Variants in BST1 observed in about 807,000 individuals in gnomAD.
BST1 encodes the protein bone marrow stromal cell antigen 1.
BST1 carries 49 observed loss-of-function variants against 40.6 expected under a neutral mutation model. That is an observed-to-expected ratio of 1.21 (90% CI 0.96 to 1.53). The LOEUF (loss-of-function observed/expected upper bound fraction) is 1.53, where lower values mean the gene tolerates loss of function less well. BST1 is among the 40% of genes most tolerant of loss of function. The pLI, the probability that BST1 is intolerant of heterozygous loss-of-function variation, is 0.00. For synonymous variants in BST1, 157 were observed against 159.3 expected (o/e 0.99, Z 0.11); for missense variants, 423 against 395.9 (o/e 1.07, Z -0.58).
At chr4:15,743,309 CAGAACAAAAA>C (rs1230798970), downstream of BST1, 11 of 333,640 alleles carry the variant, frequency 3.3e-5, no homozygotes, top group Admixed American at 3.7e-4. Flanking sequence ...AACAGCTAAA[CAGAACAAAAA>C]AGCATGCACA....
At chr4:15,703,397 G>A in intron 1 of BST1, 65 bp downstream of exon 1, 1 of 1,463,644 alleles carries the variant, frequency 6.8e-7, no homozygotes, top group South Asian at 1.3e-5. Flanking sequence ...GCCTGGGGAG[G>A]GGAAAACTGG....
At chr4:15,734,487 G>A (rs890531988), downstream of BST1, among the ~76,000 whole-genome samples, 7 of 151,728 alleles carry the variant, frequency 4.6e-5, no homozygotes, top group African/African-American at 1.5e-4. Flanking sequence ...ATATATATAC[G>A]GGAAATCATT....
At chr4:15,708,034 C>T (rs901899847) in intron 3 of BST1, among the ~76,000 whole-genome samples, 4 of 151,984 alleles carry the variant, frequency 2.6e-5, no homozygotes, top group African/African-American at 9.7e-5. Flanking sequence ...GAAATCTGCT[C>T]AGGGGGCATA....
intron 1 of BST1, among the ~76,000 whole-genome samples, chr4:15,704,308 G>C (rs928366516): frequency 2.7e-5 from 4 of 150,522 alleles, no homozygotes; most frequent in African/African-American, 7.4e-5. Context: ...GAGTTGAGGG[G>C]TGTGTGTTCT....
chr4:15,724,061 T>C (rs1381083341), intron 8 of BST1, among the ~76,000 whole-genome samples: 1 of 152,214 alleles, frequency 6.6e-6, no homozygotes, highest in Non-Finnish European at 1.5e-5. Flanking sequence ...CTTTGCTCTG[T>C]GAGGCTTTCC....
chr4:15,747,498 C>A, the BST1 span, among the ~76,000 whole-genome samples: 27 of 152,254 alleles, frequency 1.8e-4, no homozygotes, highest in East Asian at 2.5e-3. Context: ...TTCCGTGAAG[C>A]CAGTACCCCC....
In BST1 at chr4:15,711,829, T is replaced by C. The variant is rs1720225743; in HGVS notation, c.474T>C (p.Pro158=). The C allele has an allele frequency of 6.2e-7, 1 of 1,614,066 alleles. No individual in the cohort carries two copies. The highest frequency in any genetic ancestry group is 8.5e-7 in the Non-Finnish European group (1 of 1,179,914). Residue 158 remains proline, a synonymous_variant, in exon 4 of 9, where the codon CCT becomes CCC. Transcript: ENST00000265016. ...TAGGACTCGATTACCAATCCTGCCC[T>C]ACATCAGAAGACTGTGAAAATAATC... ...NDSGLDYQSC[P]TSEDCENNPV... is the part of the protein sequence containing the mutation.
intron 7 of BST1, among the ~76,000 whole-genome samples, chr4:15,720,093 A>T (rs1264362547): frequency 1.3e-5 from 2 of 152,190 alleles, no homozygotes; most frequent in African/African-American, 2.4e-5. Context: ...TAAACAGAAC[A>T]TACTCAGCAT....
At chr4:15,706,200 A>G (rs1577565977) in intron 2 of BST1, among the ~76,000 whole-genome samples, 1 of 152,208 alleles carries the variant, frequency 6.6e-6, no homozygotes, top group East Asian at 1.9e-4. Flanking sequence ...TCCAATAGTG[A>G]TTGTAGATCT....
the BST1 span, among the ~76,000 whole-genome samples, chr4:15,756,966 G>A: frequency 6.6e-6 from 1 of 152,200 alleles, no homozygotes; most frequent in African/African-American, 2.4e-5. Flanking sequence ...TAAAAGAAAT[G>A]TATGCCTATT....
At chr4:15,763,882 T>C in the BST1 span, among the ~76,000 whole-genome samples, 10 of 152,152 alleles carry the variant, frequency 6.6e-5, no homozygotes, top group African/African-American at 2.2e-4. Flanking sequence ...ACTGCAGTGA[T>C]AATAAACAAA....
At chr4:15,758,577 T>C in the BST1 span, among the ~76,000 whole-genome samples, 1 of 152,234 alleles carries the variant, frequency 6.6e-6, no homozygotes, top group Admixed American at 6.5e-5. Context: ...ATTTACTCTC[T>C]TAGCAATTTT....
chr4:15,737,813 G>A, exon 7 of BST1: 1 of 1,286,632 alleles, frequency 7.8e-7, no homozygotes. Flanking sequence ...TGATGGGGAA[G>A]ATACTGACTG....
At position 15,715,717 on chromosome 4, in the gene BST1, G is replaced by T. The variant is rs1462113832; in HGVS notation, c.622G>T (p.Asp208Tyr). 16 of 1,593,416 alleles carry T rather than the reference G, an allele frequency of 1.0e-5. No homozygotes were observed. Among genetic ancestry groups the T allele is most frequent in the African/African-American group, 1.4e-5 (1 of 73,926 alleles). Residue 208 changes from aspartate to tyrosine, a missense_variant, in exon 6 of 9, where the codon GAT (aspartate) becomes TAT (tyrosine). Physicochemically the swap from Asp to Tyr is radical, Grantham distance 160. Coordinates refer to ENST00000265016, the MANE Select transcript of BST1 (RefSeq NM_004334.3). ...AGAAATGTTTCTCAGTTTTTTTGCA[G>T]ATTATGAAATTCCAAACCTCCAGAA... is the stretch of plus-strand genomic sequence containing the variant. ...GAYPIKGFFADYEIPNLQKEK... is the reference protein window; with the variant it reads ...GAYPIKGFFAYYEIPNLQKEK...
At chr4:15,752,181 T>C in the BST1 span, among the ~76,000 whole-genome samples, 5 of 152,200 alleles carry the variant, frequency 3.3e-5, no homozygotes, top group Non-Finnish European at 5.9e-5. Context: ...ATTGTGCATA[T>C]GTTCTTGTAG....
At chr4:15,733,484 G>A (rs1721458932), downstream of BST1, among the ~76,000 whole-genome samples, 1 of 152,162 alleles carries the variant, frequency 6.6e-6, no homozygotes, top group Non-Finnish European at 1.5e-5. Context: ...AGTGCTGATC[G>A]GTGCATTTAC....
chr4:15,743,152 A>G (rs1442589047), downstream of BST1: 3 of 159,078 alleles, frequency 1.9e-5, no homozygotes, highest in Non-Finnish European at 2.8e-5. Context: ...TTACAATGTC[A>G]GAGGAAACAT....
chr4:15,707,698 C>T, intron 3 of BST1, 52 bp downstream of exon 3: 1 of 1,596,148 alleles, frequency 6.3e-7, no homozygotes, highest in Non-Finnish European at 8.5e-7. Context: ...ATTTACTATG[C>T]ATTACCATTT....
chr4:15,724,347 G>T (rs1478972531), intron 8 of BST1, among the ~76,000 whole-genome samples: 4 of 152,220 alleles, frequency 2.6e-5, no homozygotes, highest in African/African-American at 9.6e-5. Context: ...GGCATTTGCT[G>T]TGTGCACTAC....
Sources: gnomAD v4.1 joint callset for allele counts (sites outside exome capture counted in the v4.1 genomes callset) on GRCh38, gnomAD v4.1.1 for gene constraint, MANE v1.5 for transcripts, NCBI Gene and HGNC (gene_info 2026-07-23, HGNC 2026-07-21) for gene names.